Variants in RHOBTB3 observed in about 807,000 individuals in gnomAD.
The protein encoded by RHOBTB3 is Rho related BTB domain containing 3, also known as rho-related BTB domain-containing protein 3.
A neutral mutation model predicts 67.2 loss-of-function variants in RHOBTB3; 47 were observed. That is an observed-to-expected ratio of 0.70 (90% CI 0.55 to 0.89). The LOEUF (loss-of-function observed/expected upper bound fraction) is 0.89. Among genes scored for constraint, RHOBTB3 ranks in the 40% least tolerant of loss-of-function variants. RHOBTB3 has a pLI of 0.00. For missense variants in RHOBTB3, 631 were observed against 750.0 expected (o/e 0.84, Z 1.85); for synonymous variants, 273 against 274.2 (o/e 1.00, Z 0.04).
chr5:95,775,752 A>T (rs1745855011), intron 8 of RHOBTB3, among the ~76,000 whole-genome samples: 1 of 152,080 alleles, frequency 6.6e-6, no homozygotes. Context: ...GTGTGAAAGT[A>T]CTTCTCACCT....
intron 3 of RHOBTB3, among the ~76,000 whole-genome samples, chr5:95,743,050 GAC>G (rs1284710462): frequency 6.6e-6 from 1 of 151,970 alleles, no homozygotes; most frequent in African/African-American, 2.4e-5. Context: ...CAGCCTGGGG[GAC>G]AGAGCGAGAC....
At position 95,788,954 on chromosome 5, in the gene RHOBTB3, A is replaced by T. The variant is rs572672678; in HGVS notation, c.1720+96A>T. ...TAGAAGTAGTACTTTTAGCAAAATA[A>T]GAATAGTCAATGTAATAAATTTCTT... On this transcript the variant is annotated intron_variant, in intron 11 of 11. Coordinates refer to ENST00000379982, the MANE Select transcript of RHOBTB3 (RefSeq NM_014899.4). The T allele has an allele frequency of 8.4e-6, 6 of 713,072 alleles. No individual in the cohort carries two copies. The East Asian group carries it at 1.8e-4, about 22-fold the overall frequency. The allele number at this position is 713,072 out of a possible 1,614,324, so 44.2% of individuals were successfully genotyped here. A position where few individuals can be genotyped will look rare whatever the true frequency, so the allele number is the denominator to read the frequency against.
intron 5 of RHOBTB3, among the ~76,000 whole-genome samples, chr5:95,753,233 A>ATGTGTGTGTGTG (rs57615515): frequency 6.8e-6 from 1 of 146,466 alleles, no homozygotes; most frequent in African/African-American, 2.5e-5. Flanking sequence ...TGATGTGTGG[A>ATGTGTGTGTGTG]TGTGTGTGTG....
intron 8 of RHOBTB3, among the ~76,000 whole-genome samples, chr5:95,774,553 T>C (rs1745812385): frequency 6.6e-6 from 1 of 152,226 alleles, no homozygotes; most frequent in Non-Finnish European, 1.5e-5. Context: ...GAAGATTTAA[T>C]GTAAATATCT....
chr5:95,757,012 AAGAG>A (rs1374356418), intron 6 of RHOBTB3, among the ~76,000 whole-genome samples: 1 of 152,324 alleles, frequency 6.6e-6, no homozygotes, highest in Non-Finnish European at 1.5e-5. Context: ...TAGGGCGTGA[AAGAG>A]AGAATTGCAT....
intron 5 of RHOBTB3, among the ~76,000 whole-genome samples, chr5:95,754,112 A>G (rs1359681324): frequency 2.0e-5 from 3 of 152,128 alleles, no homozygotes; most frequent in African/African-American, 7.2e-5. Context: ...AAAAGAAAAG[A>G]AAAGAAAAAT....
chr5:95,760,101 C>G (rs572506106), intron 6 of RHOBTB3, among the ~76,000 whole-genome samples: 5 of 152,002 alleles, frequency 3.3e-5, no homozygotes, highest in African/African-American at 1.2e-4. Context: ...AACAACAGTC[C>G]GGTTAACATT....
intron 4 of RHOBTB3, among the ~76,000 whole-genome samples, chr5:95,748,738 G>A (rs1412287099): frequency 6.6e-6 from 1 of 152,142 alleles, no homozygotes; most frequent in Non-Finnish European, 1.5e-5. Context: ...AGTAGTCTTT[G>A]TTGTATGTAT....
chr5:95,757,036 G>A (rs766824977), intron 6 of RHOBTB3, among the ~76,000 whole-genome samples: 1 of 152,112 alleles, frequency 6.6e-6, no homozygotes, highest in Non-Finnish European at 1.5e-5. Context: ...TTCAGCTTAC[G>A]GACTGGAAAT....
At chr5:95,769,975 A>G in intron 8 of RHOBTB3, 1 of 431,790 alleles carries the variant, frequency 2.3e-6, no homozygotes. Flanking sequence ...ACCAGCTTAA[A>G]GATATGGCTC....
chr5:95,734,219 C>T (rs1350238203), intron 2 of RHOBTB3, among the ~76,000 whole-genome samples: 1 of 152,102 alleles, frequency 6.6e-6, no homozygotes, highest in Non-Finnish European at 1.5e-5. Context: ...TACACTGGGG[C>T]AGCGATGTTC....
intron 10 of RHOBTB3, among the ~76,000 whole-genome samples, chr5:95,786,973 A>G (rs1019700046): frequency 2.0e-5 from 3 of 152,174 alleles, no homozygotes; most frequent in Non-Finnish European, 4.4e-5. Context: ...AAACCCCCAC[A>G]TGTGCTACCA....
chr5:95,741,203 C>T (rs1442578479), intron 3 of RHOBTB3, among the ~76,000 whole-genome samples: 1 of 151,768 alleles, frequency 6.6e-6, no homozygotes, highest in African/African-American at 2.4e-5. Context: ...TGGCAGGTGC[C>T]TGTAGTCCCA....
chr5:95,744,038 CT>C (rs1164924474), intron 3 of RHOBTB3, among the ~76,000 whole-genome samples: 3 of 151,048 alleles, frequency 2.0e-5, no homozygotes, highest in Non-Finnish European at 4.4e-5. Context: ...TCCTTCCTTC[CT>C]CCCTCCCTCT....
chr5:95,777,592 A>G (rs893786723), intron 8 of RHOBTB3, among the ~76,000 whole-genome samples: 2 of 152,242 alleles, frequency 1.3e-5, no homozygotes, highest in African/African-American at 2.4e-5. Context: ...TCCTATTGCC[A>G]GTTAGTACGT....
rs144697001 is a variant in RHOBTB3 at position 95,755,502 on chromosome 5, A to G, written c.789A>G (p.Leu263=). 416 of 1,614,036 alleles carry G rather than the reference A, an allele frequency of 2.6e-4. No individual in the cohort carries two copies. The highest frequency in any genetic ancestry group is 3.4e-4 in the Non-Finnish European group (401 of 1,180,032). The stretch of plus-strand genomic sequence containing the variant: ...ACGTGGTATTTTACAACCCCAATTT[A>G]AAGAAAGTTGTAGAGGCCCACAAGA... ...CVDVVFYNPN[L]KKVVEAHKIV... Residue 263 remains leucine (L), a synonymous_variant, in exon 6 of 12, where the codon TTA becomes TTG. Transcript: ENST00000379982.
chr5:95,785,638 C>A (rs1049610929), intron 10 of RHOBTB3, among the ~76,000 whole-genome samples: 1 of 151,674 alleles, frequency 6.6e-6, no homozygotes. Flanking sequence ...TTTTGTAAAA[C>A]GTTTACATTC....
chr5:95,768,096 GT>G lies in RHOBTB3; in HGVS notation c.1216del (p.Tyr406IlefsTer39). The G allele has an allele frequency of 1.2e-6, 2 of 1,613,474 alleles. No homozygotes were observed. Among genetic ancestry groups the G allele is most frequent in the Non-Finnish European group, 1.7e-6 (2 of 1,179,506 alleles). Reference protein sequence around the residue: ...KTYQARKPLWFYNTSLKFFLN... With the variant: ...KTYQARKPLWXYNTSLKFFLN... ...CCTATCAAGCCAGAAAACCTTTGTGGTTTTATAACACTTCCCTCAAGTTTTT... is the reference window on the plus strand; with the variant it reads ...CCTATCAAGCCAGAAAACCTTTGTGGTTTATAACACTTCCCTCAAGTTTTT... On this transcript the variant is annotated frameshift_variant, in exon 8 of 12. Transcript: ENST00000379982. LOFTEE classifies it high-confidence loss of function.
At chr5:95,775,301 C>G (rs1745836699) in intron 8 of RHOBTB3, among the ~76,000 whole-genome samples, 1 of 151,336 alleles carries the variant, frequency 6.6e-6, no homozygotes, top group African/African-American at 2.4e-5. Context: ...AAAGAAAATG[C>G]TTATTGGAGC....
Sources: gnomAD v4.1 joint callset for allele counts (sites outside exome capture counted in the v4.1 genomes callset) on GRCh38, gnomAD v4.1.1 for gene constraint, MANE v1.5 for transcripts, NCBI Gene and HGNC (gene_info 2026-07-23, HGNC 2026-07-21) for gene names.